Variants in INTS14 observed in about 807,000 individuals in gnomAD.
INTS14 encodes integrator complex subunit 14.
INTS14 carries 27 observed loss-of-function variants against 56.9 expected under a neutral mutation model. That is an observed-to-expected ratio of 0.47 (90% CI 0.35 to 0.65). The LOEUF (loss-of-function observed/expected upper bound fraction) is 0.65, where lower values mean the gene tolerates loss of function less well. Ranked by LOEUF, INTS14 falls within the 30% of genes least tolerant of loss-of-function variation. The pLI is 0.00. For synonymous variants in INTS14, 207 were observed against 236.2 expected (o/e 0.88, Z 1.13); for missense variants, 517 against 632.2 (o/e 0.82, Z 1.95).
chr15:65,604,875 C>T (rs997718380), intron 3 of INTS14, among the ~76,000 whole-genome samples: 6 of 152,056 alleles, frequency 3.9e-5, no homozygotes, highest in Non-Finnish European at 8.8e-5. Flanking sequence ...CACTGTGAGC[C>T]CTTTGTGTTT....
chr15:65,601,001 G>C (rs1194436681), intron 3 of INTS14, among the ~76,000 whole-genome samples: 1 of 152,094 alleles, frequency 6.6e-6, no homozygotes, highest in African/African-American at 2.4e-5. Context: ...CATTTCACAT[G>C]TGCTCCTAGG....
chr15:65,607,688 A>AT (rs2073706271), intron 1 of INTS14, among the ~76,000 whole-genome samples: 1 of 152,174 alleles, frequency 6.6e-6, no homozygotes, highest in African/African-American at 2.4e-5. Flanking sequence ...GAAAAAAAAA[A>AT]GCCCTGCTAA....
At chr15:65,586,278 T>C (rs1277502153) in intron 9 of INTS14, 1 of 152,202 alleles carries the variant, frequency 6.6e-6, no homozygotes, top group Non-Finnish European at 1.5e-5. Flanking sequence ...AGAGCGAAGA[T>C]GTTATTAGTC....
intron 10 of INTS14, among the ~76,000 whole-genome samples, chr15:65,583,242 T>C (rs1027091208): frequency 1.3e-5 from 2 of 152,184 alleles, no homozygotes; most frequent in African/African-American, 4.8e-5. Flanking sequence ...TATACATGAA[T>C]GTTTGTAACA....
chr15:65,604,406 C>G (rs2073564675), intron 3 of INTS14, among the ~76,000 whole-genome samples: 1 of 152,078 alleles, frequency 6.6e-6, no homozygotes, highest in African/African-American at 2.4e-5. Flanking sequence ...ATACTCCTCA[C>G]TTTTTAGACA....
intron 6 of INTS14, among the ~76,000 whole-genome samples, chr15:65,596,781 G>T (rs889779850): frequency 2.6e-5 from 4 of 152,082 alleles, no homozygotes; most frequent in Admixed American, 2.6e-4. Context: ...TGTTGGTCAG[G>T]CTGGTCTCCC....
chr15:65,611,013 G>C, intron 1 of INTS14, 85 bp downstream of exon 1: 4 of 1,524,918 alleles, frequency 2.6e-6, no homozygotes, highest in Non-Finnish European at 3.5e-6. Flanking sequence ...CGCTGGCCCT[G>C]GGTTGTTCTT....
At chr15:65,594,697 C>T (rs1006124513) in intron 7 of INTS14, among the ~76,000 whole-genome samples, 4 of 152,010 alleles carry the variant, frequency 2.6e-5, no homozygotes, top group African/African-American at 9.6e-5. Context: ...CTACCGCGCC[C>T]GGCCACCTTC....
At chr15:65,605,052 C>A (rs980572432) in intron 3 of INTS14, 77 bp downstream of exon 3, 1 of 1,053,798 alleles carries the variant, frequency 9.5e-7, no homozygotes. Flanking sequence ...CATGCTGTGT[C>A]AGAGCCTGAA....
At chr15:65,590,517 T>C (rs2072986653) in intron 9 of INTS14, among the ~76,000 whole-genome samples, 2 of 152,214 alleles carry the variant, frequency 1.3e-5, no homozygotes, top group Admixed American at 1.3e-4. Flanking sequence ...TGTGCCACAC[T>C]TCCTTTTCTT....
chr15:65,579,488 T>TGCC lies in INTS14; in HGVS notation c.1474_1476dup (p.Gly492dup). 1 of 1,614,178 alleles carries TGCC rather than the reference T, an allele frequency of 6.2e-7. No homozygotes were observed. Among genetic ancestry groups the TGCC allele is most frequent in the Non-Finnish European group, 8.5e-7 (1 of 1,180,032 alleles). On this transcript the variant is annotated inframe_insertion, in exon 12 of 12. Coordinates refer to ENST00000313182, the MANE Select transcript of INTS14 (RefSeq NM_001394796.1). ...TGGTCATAAGCGGCATACTCAGAGG[T>TGCC]GCCGGTACTGGCCAGCTTGAGCTGC...
Position 65,598,917 on chromosome 15 carries a change from G to A in INTS14, c.560C>T (p.Thr187Ile). The A allele has an allele frequency of 6.2e-7, 1 of 1,613,998 alleles. No individual in the cohort carries two copies. ...DLNNGEGQIF[T>I]IDGPLCLKNV... ...CTTCAAGCACAGGGGGCCATCAATA[G>A]TAAAAATCTGCCCTTCACCATTGTT... is the stretch of plus-strand genomic sequence containing the variant. Residue 187 changes from threonine (T) to isoleucine (I), a missense_variant, in exon 5 of 12, where the codon ACT (threonine) becomes ATT (isoleucine). Coordinates refer to ENST00000313182, the MANE Select transcript of INTS14 (RefSeq NM_001394796.1).
At chr15:65,598,502 C>T (rs763111996) in intron 5 of INTS14, 39 bp from the exon 6 acceptor site, 46 of 1,587,488 alleles carry the variant, frequency 2.9e-5, no homozygotes, top group Non-Finnish European at 3.4e-5. Flanking sequence ...AAGAGTAATA[C>T]GATACATATG....
chr15:65,603,846 T>C (rs1390815957), intron 3 of INTS14, among the ~76,000 whole-genome samples: 1 of 152,244 alleles, frequency 6.6e-6, no homozygotes, highest in Non-Finnish European at 1.5e-5. Context: ...ACAGCAGAGC[T>C]GAGTAGTTGC....
chr15:65,596,041 T>C (rs1211839932), intron 6 of INTS14, among the ~76,000 whole-genome samples: 1 of 152,212 alleles, frequency 6.6e-6, no homozygotes, highest in Non-Finnish European at 1.5e-5. Flanking sequence ...GTCTAAGTTA[T>C]ATGACAAAAT....
At chr15:65,588,728 G>C (rs1373978946) in intron 9 of INTS14, among the ~76,000 whole-genome samples, 1 of 151,810 alleles carries the variant, frequency 6.6e-6, no homozygotes, top group Non-Finnish European at 1.5e-5. Context: ...GTTTTAAAAA[G>C]TAGTTGTCTC....
intron 1 of INTS14, 78 bp downstream of exon 1, chr15:65,611,020 T>C: frequency 6.5e-7 from 1 of 1,528,196 alleles, no homozygotes; most frequent in Non-Finnish European, 8.8e-7. Flanking sequence ...CCTGGGTTGT[T>C]CTTCACCCAT....
chr15:65,606,928 C>T (rs2073675353), intron 2 of INTS14, among the ~76,000 whole-genome samples: 1 of 151,992 alleles, frequency 6.6e-6, no homozygotes. Flanking sequence ...TTCCAGAAAA[C>T]CAAGAGAGGA....
intron 3 of INTS14, 34 bp from the exon 4 acceptor site, chr15:65,599,963 T>C (rs369612718): frequency 3.0e-5 from 48 of 1,597,692 alleles, no homozygotes; most frequent in Non-Finnish European, 4.0e-5. Context: ...AGGTTGTACA[T>C]TAAATTACAT....
Sources: allele counts gnomAD v4.1 joint callset (sites outside exome capture counted in the v4.1 genomes callset), GRCh38; gene constraint gnomAD v4.1.1; transcripts MANE v1.5; gene names NCBI Gene and HGNC (gene_info 2026-07-23, HGNC 2026-07-21).